The following MMP27 variants were observed in gnomAD, a reference collection of about 807,000 sequenced individuals.
The protein encoded by MMP27 is matrix metallopeptidase 27, also known as matrix metalloproteinase-27.
Under a neutral mutation model 48.1 loss-of-function variants are expected in MMP27, and 51 were observed. The observed-to-expected ratio is 1.06, with a 90% CI of 0.85 to 1.34. MMP27 has a LOEUF of 1.34. Ranked by LOEUF, MMP27 falls within the 40% of genes most tolerant of loss-of-function variation. MMP27 has a pLI of 0.00. For synonymous variants in MMP27, 229 were observed against 208.9 expected (o/e 1.10, Z -0.83); for missense variants, 698 against 619.3 (o/e 1.13, Z -1.35).
chr11:102,704,544 T>C lies in MMP27; in HGVS notation c.334A>G (p.Thr112Ala), dbSNP rs1275501825. Residue 112 changes from threonine (T) to alanine (A), a missense_variant, in exon 2 of 10, where the codon ACC becomes GCC. Physicochemically the swap from Thr to Ala is moderately conservative, Grantham distance 58. Transcript: ENST00000260229. ...TLPGWRKYNL[T>A]YRIINYTPDM... ...AGCTGGCAGAAGCATTACCTGTAGG[T>C]GAGGTTGTATTTTCTCCACCCAGGG... The C allele has an allele frequency of 3.7e-6, 6 of 1,610,092 alleles. No homozygotes were observed. In the African/African-American group the frequency reaches 6.7e-5, roughly 18 times the overall value.
In MMP27 at chr11:102,694,018, G is replaced by A. The variant is rs369945258; in HGVS notation, c.1081C>T (p.Pro361Ser). The A allele has an allele frequency of 6.2e-7, 1 of 1,608,112 alleles. No individual in the cohort carries two copies. Among genetic ancestry groups the A allele is most frequent in the Admixed American group, 1.7e-5 (1 of 59,262 alleles). Residue 361 changes from proline (P) to serine (S), a missense_variant, in exon 8 of 10, where the codon CCC (proline) becomes TCC (serine). Pro to Ser is a moderately conservative substitution (Grantham distance 74). Coordinates refer to ENST00000260229, the MANE Select transcript of MMP27 (RefSeq NM_022122.3). ...IRGYAVLPDY[P>S]KSIHTLGFPG... is the part of the protein sequence containing the mutation. ...AAACCTAATGTATGGATGGATTTGG[G>A]ATAATCTGGCAAGACAGCATATCCT...
At chr11:102,701,279 G>A (rs1860935241) in intron 4 of MMP27, among the ~76,000 whole-genome samples, 1 of 147,340 alleles carries the variant, frequency 6.8e-6, no homozygotes, top group Non-Finnish European at 1.5e-5. Flanking sequence ...TTACCGATGT[G>A]GAACCCAGAT....
In MMP27 at chr11:102,696,755, T is replaced by C; in HGVS notation, c.700A>G (p.Met234Val). Residue 234 changes from methionine (M) to valine (V), a missense_variant, in exon 5 of 10, where the codon ATG (methionine) becomes GTG (valine). Physicochemically the swap from Met to Val is conservative, Grantham distance 21 (BLOSUM62 1). Transcript: ENST00000260229. ...LSHSNDQTAL[M>V]FPNYVSLDPR... ...TCCAGGGAGACATAATTTGGGAACA[T>C]CAAGGCTGTTTGATCATTGGAGTGA... The C allele has an allele frequency of 1.2e-6, 2 of 1,613,838 alleles. 1 individual carries two copies. The highest frequency in any genetic ancestry group is 2.2e-5 in the South Asian group (2 of 91,050).
intron 9 of MMP27, 90 bp from the exon 10 acceptor site, chr11:102,692,100 T>C (rs1456870249): frequency 8.1e-7 from 1 of 1,238,264 alleles, no homozygotes; most frequent in Non-Finnish European, 1.1e-6. Context: ...AAAAATAACA[T>C]TATGGAGAAC....
At position 102,695,009 on chromosome 11, in the gene MMP27, C is replaced by T; in HGVS notation, c.991G>A (p.Ala331Thr). Residue 331 changes from alanine (A) to threonine (T), a missense_variant, in exon 7 of 10, where the codon GCT becomes ACT. Transcript: ENST00000260229. ...FWPSLPADLQ[A>T]AYENPRDKIL... is the part of the protein sequence containing the mutation. ...TTATCTCTGGGGTTCTCGTATGCAG[C>T]TTGCAGATCAGCTGGCAGAGATGGC... 1.2e-6 allele frequency: 2 copies of T among 1,613,954 alleles called. No individual in the cohort carries two copies. The highest frequency in any genetic ancestry group is 1.7e-6 in the Non-Finnish European group (2 of 1,179,952).
intron 2 of MMP27, 74 bp downstream of exon 2, chr11:102,704,463 A>C (rs1334381582): frequency 1.7e-6 from 2 of 1,165,818 alleles, no homozygotes; most frequent in Non-Finnish European, 2.5e-6. Flanking sequence ...AATTGAATGA[A>C]TATTATTCTG....
At chr11:102,693,875 A>C in intron 8 of MMP27, 31 bp downstream of exon 8, 1 of 1,535,568 alleles carries the variant, frequency 6.5e-7, no homozygotes, top group Non-Finnish European at 8.8e-7. Context: ...TCTCCATAAT[A>C]AAACAAAGTG....
intron 4 of MMP27, among the ~76,000 whole-genome samples, chr11:102,699,509 C>T (rs1459572838): frequency 2.0e-5 from 3 of 152,032 alleles, no homozygotes; most frequent in African/African-American, 7.3e-5. Flanking sequence ...ACATAAAGTC[C>T]ATCCCTGGCT....
intron 7 of MMP27, among the ~76,000 whole-genome samples, chr11:102,694,742 T>A (rs997871879): frequency 6.6e-6 from 1 of 152,202 alleles, no homozygotes; most frequent in African/African-American, 2.4e-5. Context: ...TTTTTTAGTT[T>A]TTATCACACA....
chr11:102,703,527 AC>A (rs1253842794), intron 2 of MMP27, among the ~76,000 whole-genome samples: 6 of 143,112 alleles, frequency 4.2e-5, no homozygotes, highest in African/African-American at 1.5e-4. Context: ...TATATTAAGA[AC>A]TTTTTTTTTT....
intron 3 of MMP27, 37 bp from the exon 4 acceptor site, chr11:102,702,918 T>C: frequency 1.2e-6 from 2 of 1,611,606 alleles, no homozygotes; most frequent in Middle Eastern, 3.3e-4. Flanking sequence ...AAGATCAGCT[T>C]CCTCAAATCT....
chr11:102,698,502 G>A (rs966272013), intron 4 of MMP27, among the ~76,000 whole-genome samples: 2 of 151,870 alleles, frequency 1.3e-5, no homozygotes, highest in Non-Finnish European at 2.9e-5. Flanking sequence ...ACCAGTTTGG[G>A]GTTGTTGCTA....
At chr11:102,692,477 C>A (rs1860743355) in intron 9 of MMP27, among the ~76,000 whole-genome samples, 1 of 152,196 alleles carries the variant, frequency 6.6e-6, no homozygotes, top group African/African-American at 2.4e-5. Flanking sequence ...AGGTCATTGT[C>A]TTGGATGATA....
intron 7 of MMP27, 54 bp downstream of exon 7, chr11:102,694,913 C>T: frequency 6.3e-7 from 1 of 1,599,554 alleles, no homozygotes; most frequent in Non-Finnish European, 8.5e-7. Flanking sequence ...AAAATATCCA[C>T]TGGTTAGTTC....
intron 2 of MMP27, 77 bp downstream of exon 2, chr11:102,704,460 T>C (rs1342893429): frequency 2.7e-6 from 3 of 1,130,264 alleles, no homozygotes; most frequent in Non-Finnish European, 3.9e-6. Context: ...GTCAATTGAA[T>C]GAATATTATT....
At chr11:102,700,837 C>G (rs113031819) in intron 4 of MMP27, among the ~76,000 whole-genome samples, 8 of 152,234 alleles carry the variant, frequency 5.3e-5, no homozygotes, top group African/African-American at 1.9e-4. Context: ...CTCTGACATC[C>G]CCATGCGATG....
intron 8 of MMP27, among the ~76,000 whole-genome samples, chr11:102,693,344 A>T (rs1368204462): frequency 6.6e-6 from 1 of 152,100 alleles, no homozygotes; most frequent in African/African-American, 2.4e-5. Flanking sequence ...TTCACTAGAT[A>T]TGTTTGTGTC....
At position 102,696,476 on chromosome 11, in the gene MMP27, T is replaced by A. The variant is rs1276286; in HGVS notation, c.797A>T (p.Glu266Val). The part of the protein sequence containing the change: ...IQSIYGGLPK[E>V]PAKPKEPTIP... ...AGTGGGTTCCTTTGGCTTAGCAGGT[T>A]CCTTAGGCAGACCTCCTTTGATGAG... Residue 266 changes from glutamate to valine, a missense_variant, in exon 6 of 10, where the codon GAA becomes GTA. Transcript: ENST00000260229. 0.45 allele frequency: 733,462 copies of A among 1,612,734 alleles called. 170,494 individuals carry two copies. The highest frequency in any genetic ancestry group is 0.58 in the East Asian group (26,157 of 44,822).
intron 4 of MMP27, among the ~76,000 whole-genome samples, chr11:102,700,771 G>C (rs895107797): frequency 1.3e-5 from 2 of 152,244 alleles, no homozygotes; most frequent in Non-Finnish European, 1.5e-5. Flanking sequence ...AATAGGCTTG[G>C]CACCTGGCTT....
Sources: gnomAD v4.1 joint callset for allele counts (sites outside exome capture counted in the v4.1 genomes callset) on GRCh38, gnomAD v4.1.1 for gene constraint, MANE v1.5 for transcripts, NCBI Gene and HGNC (gene_info 2026-07-23, HGNC 2026-07-21) for gene names.